Variants in PTPRN2 observed in about 807,000 individuals in gnomAD.
The protein encoded by PTPRN2 is receptor-type tyrosine-protein phosphatase N2.
A neutral mutation model predicts 118.8 loss-of-function variants in PTPRN2; 74 were observed. That is an observed-to-expected ratio of 0.62 (90% CI 0.52 to 0.76). The LOEUF (loss-of-function observed/expected upper bound fraction) is 0.76. Ranked by LOEUF, PTPRN2 falls within the 30% of genes least tolerant of loss-of-function variation. PTPRN2 has a pLI of 0.00. For missense variants in PTPRN2, 1,481 were observed against 1,394.4 expected (o/e 1.06, Z -0.99); for synonymous variants, 641 against 608.0 (o/e 1.05, Z -0.80).
chr7:157,976,751 CTG>C (rs1365251620), intron 11 of PTPRN2, among the ~76,000 whole-genome samples: 1 of 151,952 alleles, frequency 6.6e-6, no homozygotes, highest in Non-Finnish European at 1.5e-5. Context: ...ACTCTTCAAA[CTG>C]TAATTCATCA....
At chr7:157,574,469 T>A in intron 19 of PTPRN2, 1 of 515,374 alleles carries the variant, frequency 1.9e-6, no homozygotes, top group South Asian at 1.4e-5. Context: ...GTGAGCAGCG[T>A]TAGTGAGCAC....
intron 1 of PTPRN2, among the ~76,000 whole-genome samples, chr7:158,554,986 G>A (rs1443233705): frequency 1.3e-5 from 2 of 152,066 alleles, no homozygotes; most frequent in Admixed American, 6.5e-5. Context: ...TAATTTATCC[G>A]GCCCCTCCTC....
intron 10 of PTPRN2, among the ~76,000 whole-genome samples, chr7:158,096,903 C>A (rs934291068): frequency 6.6e-6 from 1 of 152,196 alleles, no homozygotes; most frequent in African/African-American, 2.4e-5. Context: ...ACTGCGGGGG[C>A]TCTTGGCTTT....
intron 11 of PTPRN2, among the ~76,000 whole-genome samples, chr7:157,918,642 C>T (rs1798543627): frequency 2.0e-5 from 3 of 152,084 alleles, no homozygotes; most frequent in African/African-American, 7.2e-5. Flanking sequence ...GGAGAGAAGG[C>T]GTCATGGCGT....
At chr7:157,892,300 A>C (rs561786466) in intron 12 of PTPRN2, among the ~76,000 whole-genome samples, 1 of 152,270 alleles carries the variant, frequency 6.6e-6, no homozygotes, top group South Asian at 2.1e-4. Flanking sequence ...TTTCTTCCAA[A>C]CTTTTGAGTT....
chr7:158,106,770 A>T (rs896713845), intron 10 of PTPRN2, among the ~76,000 whole-genome samples: 5 of 152,204 alleles, frequency 3.3e-5, no homozygotes, highest in African/African-American at 1.2e-4. Context: ...TTAATCCTTG[A>T]GTAATCACTA....
At chr7:157,675,382 C>A (rs1796617089) in intron 13 of PTPRN2, among the ~76,000 whole-genome samples, 1 of 152,196 alleles carries the variant, frequency 6.6e-6, no homozygotes, top group South Asian at 2.1e-4. Flanking sequence ...CCTTACCCCC[C>A]AGGGCCCCGG....
At chr7:158,260,295 C>T (rs1378314542) in intron 3 of PTPRN2, among the ~76,000 whole-genome samples, 1 of 152,206 alleles carries the variant, frequency 6.6e-6, no homozygotes, top group South Asian at 2.1e-4. Flanking sequence ...GCTAGCTTGA[C>T]AAAAGCTTTC....
chr7:158,355,265 CTT>C (rs1291555976), intron 2 of PTPRN2, among the ~76,000 whole-genome samples: 1 of 152,222 alleles, frequency 6.6e-6, no homozygotes, highest in Non-Finnish European at 1.5e-5. Context: ...GCTGTGCAAA[CTT>C]GGGCAAATCA....
At chr7:157,730,086 A>C (rs1288759893) in intron 12 of PTPRN2, among the ~76,000 whole-genome samples, 1 of 152,202 alleles carries the variant, frequency 6.6e-6, no homozygotes, top group Non-Finnish European at 1.5e-5. Context: ...GGTAAAGTCC[A>C]CATTCGCATA....
intron 1 of PTPRN2, among the ~76,000 whole-genome samples, chr7:158,504,107 G>A (rs1320177631): frequency 6.6e-6 from 1 of 152,090 alleles, no homozygotes; most frequent in Non-Finnish European, 1.5e-5. Flanking sequence ...ATTACCTAGA[G>A]ATAAATTCCT....
intron 13 of PTPRN2, among the ~76,000 whole-genome samples, chr7:157,662,559 C>G (rs1795943760): frequency 6.6e-6 from 1 of 152,170 alleles, no homozygotes; most frequent in African/African-American, 2.4e-5. Context: ...AACTTGAGGT[C>G]AAAGAAAGCT....
chr7:158,541,551 A>G (rs1481215255), intron 1 of PTPRN2: 2 of 1,352,090 alleles, frequency 1.5e-6, no homozygotes, highest in Non-Finnish European at 9.8e-7. Context: ...GAACATCTTC[A>G]TAGTAGGAAA....
intron 2 of PTPRN2, among the ~76,000 whole-genome samples, chr7:158,397,598 C>T (rs997211848): frequency 1.5e-4 from 23 of 152,138 alleles, no homozygotes; most frequent in African/African-American, 5.1e-4. Context: ...AAGCTGGGGG[C>T]CGAAATGTCA....
intron 6 of PTPRN2, among the ~76,000 whole-genome samples, chr7:158,166,218 A>T (rs7787039): frequency 3.7e-5 from 2 of 54,542 alleles, no homozygotes; most frequent in African/African-American, 7.0e-5. Context: ...AAGGGAACAC[A>T]CACTGTCCTC....
intron 12 of PTPRN2, among the ~76,000 whole-genome samples, chr7:157,828,982 G>T (rs896215272): frequency 1.3e-5 from 2 of 149,666 alleles, no homozygotes; most frequent in Non-Finnish European, 2.9e-5. Flanking sequence ...ATTTTCTAAG[G>T]GAAATTGATG....
At chr7:157,959,196 T>G (rs776092415) in intron 11 of PTPRN2, among the ~76,000 whole-genome samples, 7 of 152,232 alleles carry the variant, frequency 4.6e-5, no homozygotes, top group Non-Finnish European at 1.0e-4. Flanking sequence ...ACCTGTAACT[T>G]ACATCATATA....
chr7:157,624,045 C>T (rs1803421127), intron 14 of PTPRN2, among the ~76,000 whole-genome samples: 1 of 152,078 alleles, frequency 6.6e-6, no homozygotes, highest in Non-Finnish European at 1.5e-5. Context: ...ACAATGAAAG[C>T]AAAACCAAAA....
chr7:157,806,980 C>T (rs116264567), intron 12 of PTPRN2, among the ~76,000 whole-genome samples: 1 of 152,226 alleles, frequency 6.6e-6, no homozygotes, highest in Non-Finnish European at 1.5e-5. Context: ...CCAGGGAGAG[C>T]CTCTGCTCCC....
Sources: allele counts gnomAD v4.1 joint callset (sites outside exome capture counted in the v4.1 genomes callset), GRCh38; gene constraint gnomAD v4.1.1; transcripts MANE v1.5; gene names NCBI Gene and HGNC (gene_info 2026-07-23, HGNC 2026-07-21).